NMD3: variants seen among roughly 807,000 people sequenced by gnomAD.
NMD3 encodes NMD3 ribosome export adaptor.
NMD3 carries 47 observed loss-of-function variants against 73.1 expected under a neutral mutation model. That is an observed-to-expected ratio of 0.64 (90% CI 0.51 to 0.82). The LOEUF is 0.82. Ranked by LOEUF, NMD3 falls within the 40% of genes least tolerant of loss-of-function variation. The probability of loss-of-function intolerance (pLI) is 0.00; values close to 1 mark genes in which losing one functional copy is unlikely to be tolerated. For synonymous variants in NMD3, 210 were observed against 194.5 expected (o/e 1.08, Z -0.66); for missense variants, 554 against 612.5 (o/e 0.90, Z 1.01).
chr3:161,249,454 G>A lies in NMD3; in HGVS notation c.1204G>A (p.Val402Ile), dbSNP rs1170470217. 1.9e-6 allele frequency: 3 copies of A among 1,581,756 alleles called. No individual in the cohort carries two copies. Among genetic ancestry groups the A allele is most frequent in the Non-Finnish European group, 2.6e-6 (3 of 1,158,926 alleles). ...KMNSDRVPDV[V>I]LIKKSYDRTK... ...AACTTTACAAATATTTATCTTGCAG[G>A]TATTAATCAAGAAGAGCTATGACCG... The change falls in exon 14 of 16, where the codon GTA (valine) becomes ATA (isoleucine). Residue 402 changes from valine (V) to isoleucine (I), a missense_variant and splice_region_variant. Coordinates refer to ENST00000351193, the MANE Select transcript of NMD3 (RefSeq NM_015938.5).
intron 11 of NMD3, among the ~76,000 whole-genome samples, chr3:161,244,242 G>GC (rs982285997): frequency 6.6e-5 from 10 of 152,084 alleles, no homozygotes; most frequent in African/African-American, 2.4e-4. Flanking sequence ...TGATCCTCCT[G>GC]CCTCAGCCTC....
chr3:161,234,113 A>G (rs774628877), intron 5 of NMD3, among the ~76,000 whole-genome samples: 17 of 152,020 alleles, frequency 1.1e-4, no homozygotes, highest in Non-Finnish European at 2.2e-4. Flanking sequence ...TAAATTAAGG[A>G]ATTTTTTTTT....
At chr3:161,249,948 G>A (rs571271139) in intron 14 of NMD3, among the ~76,000 whole-genome samples, 1 of 152,054 alleles carries the variant, frequency 6.6e-6, no homozygotes, top group Non-Finnish European at 1.5e-5. Flanking sequence ...ATCACAAATA[G>A]CAGATGAGTA....
At chr3:161,228,780 T>G (rs1292172717) in intron 4 of NMD3, among the ~76,000 whole-genome samples, 2 of 152,174 alleles carry the variant, frequency 1.3e-5, no homozygotes, top group Admixed American at 1.3e-4. Context: ...GTATTCTAAT[T>G]GCACACTAAC....
chr3:161,221,326 A>C lies in NMD3; in HGVS notation c.-104A>C, dbSNP rs1736062467. ...GCGAGATCTTCTCTGTGGCGGAGAC[A>C]GCCAGGTTGGCAGCTGACGGGACAG... On this transcript the variant is annotated 5_prime_UTR_variant, in exon 1 of 16. Coordinates refer to ENST00000351193, the MANE Select transcript of NMD3 (RefSeq NM_015938.5). 6.6e-6 allele frequency: 1 copy of C among 152,458 alleles called. No homozygotes were observed. Among genetic ancestry groups the C allele is most frequent in the Admixed American group, 6.5e-5 (1 of 15,308 alleles). The allele number at this position is 152,458 out of a possible 1,614,324, so 9.4% of individuals were successfully genotyped here.
At chr3:161,231,787 TC>T (rs1736554759) in intron 4 of NMD3, among the ~76,000 whole-genome samples, 1 of 152,084 alleles carries the variant, frequency 6.6e-6, no homozygotes, top group Non-Finnish European at 1.5e-5. Flanking sequence ...AAGGGAATGT[TC>T]AGCAAAGTTG....
At chr3:161,224,780 TG>T in intron 2 of NMD3, 149 bp from the exon 3 acceptor site, 2 of 683,700 alleles carry the variant, frequency 2.9e-6, no homozygotes, top group Non-Finnish European at 4.7e-6. Flanking sequence ...AGCCACTGGC[TG>T]GCCCAGGTTG....
intron 8 of NMD3, 47 bp from the exon 9 acceptor site, chr3:161,238,683 G>A (rs1239971494): frequency 1.1e-6 from 1 of 904,654 alleles, no homozygotes; most frequent in South Asian, 1.4e-5. Flanking sequence ...GTCCATACAG[G>A]TTAATGATCT....
chr3:161,242,143 A>C (rs955564299), intron 10 of NMD3, among the ~76,000 whole-genome samples: 3 of 152,146 alleles, frequency 2.0e-5, no homozygotes, highest in African/African-American at 7.2e-5. Flanking sequence ...TGGTAGAACT[A>C]GGCTTTATTT....
intron 4 of NMD3, among the ~76,000 whole-genome samples, chr3:161,230,926 A>T (rs1736517033): frequency 6.6e-6 from 1 of 152,194 alleles, no homozygotes; most frequent in Admixed American, 6.5e-5. Flanking sequence ...GTCCTCTAGA[A>T]CTAGAGGAAA....
At chr3:161,243,837 T>C (rs1334595390) in intron 11 of NMD3, among the ~76,000 whole-genome samples, 1 of 123,652 alleles carries the variant, frequency 8.1e-6, no homozygotes, top group Non-Finnish European at 1.6e-5. Flanking sequence ...AACATAGTGA[T>C]AGTCAGATTC....
chr3:161,237,715 T>C (rs1454842512), intron 7 of NMD3, among the ~76,000 whole-genome samples: 1 of 152,048 alleles, frequency 6.6e-6, no homozygotes, highest in Non-Finnish European at 1.5e-5. Flanking sequence ...TTTTTTGTAT[T>C]TCTAGTAGAG....
At chr3:161,239,529 T>G (rs1344246094) in intron 9 of NMD3, among the ~76,000 whole-genome samples, 1 of 152,182 alleles carries the variant, frequency 6.6e-6, no homozygotes, top group Non-Finnish European at 1.5e-5. Flanking sequence ...CTAGATACTT[T>G]AGTGTCTTTC....
At chr3:161,233,332 GTTC>G in intron 4 of NMD3, 64 bp from the exon 5 acceptor site, 1 of 1,060,606 alleles carries the variant, frequency 9.4e-7, no homozygotes, top group Non-Finnish European at 1.4e-6. Flanking sequence ...TTGATGATTT[GTTC>G]TTTCGTGTTT....
At position 161,233,434 on chromosome 3, in the gene NMD3, G is replaced by A. The variant is rs758841183; in HGVS notation, c.312G>A (p.Glu104=). The A allele has an allele frequency of 1.2e-6, 2 of 1,609,734 alleles. No individual in the cohort carries two copies. Among genetic ancestry groups the A allele is most frequent in the Non-Finnish European group, 8.5e-7 (1 of 1,177,624 alleles). Residue 104 remains glutamate, a synonymous_variant, in exon 5 of 16, where the codon GAG becomes GAA. Coordinates refer to ENST00000351193, the MANE Select transcript of NMD3 (RefSeq NM_015938.5). Reference sequence around the variant, plus strand: ...TAGATGCAGGCTTTGTTTGGACTGAGCCTCATTCTAAGAGACTTAAAGTTA... The same window carrying A: ...TAGATGCAGGCTTTGTTTGGACTGAACCTCATTCTAAGAGACTTAAAGTTA... ...RLVDAGFVWT[E]PHSKRLKVKL...
chr3:161,222,562 A>C (rs949817917), intron 2 of NMD3, among the ~76,000 whole-genome samples: 1 of 150,888 alleles, frequency 6.6e-6, no homozygotes, highest in East Asian at 2.0e-4. Flanking sequence ...ATCAATTTTT[A>C]ATTTCTTGCA....
intron 3 of NMD3, among the ~76,000 whole-genome samples, chr3:161,225,474 C>G (rs1056218027): frequency 2.6e-5 from 4 of 151,878 alleles, no homozygotes; most frequent in Non-Finnish European, 2.9e-5. Flanking sequence ...TTTAAAAACT[C>G]ATAACATTCA....
chr3:161,238,725 A>G lies in NMD3; in HGVS notation c.657-5A>G. 7.2e-7 allele frequency: 1 copy of G among 1,397,580 alleles called. No homozygotes were observed. The highest frequency in any genetic ancestry group is 1.7e-5 in the Admixed American group (1 of 58,634). 86.6% of individuals were successfully genotyped at this position (1,397,580 alleles called of 1,614,324 possible). On this transcript the variant is annotated splice_polypyrimidine_tract_variant and splice_region_variant and intron_variant, in intron 8 of 15. Coordinates refer to ENST00000351193, the MANE Select transcript of NMD3 (RefSeq NM_015938.5). ...TTATATTACTACTAACTTTTTTCTT[A>G]ATAGATACAAAGCATCACAAAGACT...
chr3:161,233,819 A>C (rs1736633983), intron 5 of NMD3, among the ~76,000 whole-genome samples: 1 of 152,162 alleles, frequency 6.6e-6, no homozygotes, highest in South Asian at 2.1e-4. Flanking sequence ...GGGAATCTAT[A>C]AGTAGGTTGA....
Sources: allele counts gnomAD v4.1 joint callset (sites outside exome capture counted in the v4.1 genomes callset), GRCh38; gene constraint gnomAD v4.1.1; transcripts MANE v1.5; gene names NCBI Gene and HGNC (gene_info 2026-07-23, HGNC 2026-07-21).